ADGRL3: variants seen among roughly 807,000 people sequenced by gnomAD.
ADGRL3 encodes the protein adhesion G protein-coupled receptor L3, also known as calcium-independent alpha-latrotoxin receptor 3.
ADGRL3 carries 62 observed loss-of-function variants against 153.5 expected under a neutral mutation model. That is an observed-to-expected ratio of 0.40 (90% CI 0.33 to 0.50). ADGRL3 has a LOEUF of 0.50. ADGRL3 is among the 20% of genes least tolerant of loss of function. The pLI, the probability that ADGRL3 is intolerant of heterozygous loss-of-function variation, is 0.47. For missense variants in ADGRL3, 1,641 were observed against 1,859.4 expected, an observed-to-expected ratio of 0.88 and a Z score of 2.16; for synonymous variants, 710 against 672.5, an observed-to-expected ratio of 1.06 and a Z score of -0.86.
At chr4:61,645,834 C>A (rs1026331173) in intron 5 of ADGRL3, among the ~76,000 whole-genome samples, 5 of 152,110 alleles carry the variant, frequency 3.3e-5, no homozygotes, top group African/African-American at 1.2e-4. Flanking sequence ...TGTTGGCCTG[C>A]GTTGCTAGAA....
intron 8 of ADGRL3, among the ~76,000 whole-genome samples, chr4:61,744,306 A>G (rs2096623988): frequency 6.6e-6 from 1 of 152,176 alleles, no homozygotes; most frequent in Non-Finnish European, 1.5e-5. Flanking sequence ...ACAAAAAGAC[A>G]GCAGTAACCT....
chr4:61,895,779 A>G lies in ADGRL3; in HGVS notation c.1832A>G (p.Gln611Arg). 1.2e-6 allele frequency: 2 copies of G among 1,601,920 alleles called. No individual in the cohort carries two copies. The highest frequency in any genetic ancestry group is 1.7e-6 in the Non-Finnish European group (2 of 1,173,556). Residue 611 changes from glutamine to arginine, a missense_variant, in exon 11 of 27, where the codon CAA (glutamine) becomes CGA (arginine). Coordinates refer to ENST00000683033, the MANE Select transcript of ADGRL3 (RefSeq NM_001387552.1). ...CLAPDGIWDP[Q>R]GPDLSNCSSP... is the part of the protein sequence containing the mutation. ...GCTCCTGATGGAATTTGGGATCCCC[A>G]AGGTCCAGATCTCAGCAACTGTTCT... is the stretch of plus-strand genomic sequence containing the variant.
At chr4:61,984,128 A>T (rs945472621) in intron 19 of ADGRL3, among the ~76,000 whole-genome samples, 2 of 152,196 alleles carry the variant, frequency 1.3e-5, no homozygotes, top group Non-Finnish European at 2.9e-5. Flanking sequence ...CTGTTAAGAC[A>T]TATGTGTCGA....
At chr4:62,068,020 A>G in intron 25 of ADGRL3, 146 bp from the exon 26 acceptor site, 1 of 497,180 alleles carries the variant, frequency 2.0e-6, no homozygotes, top group Non-Finnish European at 3.6e-6. Context: ...TGTAACCCAG[A>G]CTCATGAATT....
At chr4:61,946,434 GT>G (rs1378877719) in intron 15 of ADGRL3, among the ~76,000 whole-genome samples, 2 of 151,926 alleles carry the variant, frequency 1.3e-5, no homozygotes, top group Non-Finnish European at 2.9e-5. Flanking sequence ...TGGTAAAAAT[GT>G]TTTGTATAAT....
chr4:61,721,634 T>G (rs2096245537), intron 6 of ADGRL3, among the ~76,000 whole-genome samples: 1 of 152,218 alleles, frequency 6.6e-6, no homozygotes, highest in Non-Finnish European at 1.5e-5. Context: ...TGTATATTCT[T>G]AAATCCAATC....
intron 1 of ADGRL3, among the ~76,000 whole-genome samples, chr4:61,265,949 G>A (rs1351208387): frequency 6.6e-6 from 1 of 151,830 alleles, no homozygotes; most frequent in East Asian, 1.9e-4. Context: ...ATGATCTACA[G>A]TGGTGTAAAT....
intron 4 of ADGRL3, among the ~76,000 whole-genome samples, chr4:61,528,669 C>G (rs1489583835): frequency 1.3e-5 from 2 of 151,994 alleles, no homozygotes; most frequent in Non-Finnish European, 2.9e-5. Flanking sequence ...ATTCTCTAGC[C>G]AGAGGCAAGG....
intron 1 of ADGRL3, among the ~76,000 whole-genome samples, chr4:61,363,706 A>G (rs752976398): frequency 3.3e-5 from 5 of 152,148 alleles, no homozygotes; most frequent in Non-Finnish European, 7.4e-5. Flanking sequence ...TGACTAGCTG[A>G]ACATGTTTTG....
chr4:61,247,934 A>G (rs1757739097), intron 1 of ADGRL3, among the ~76,000 whole-genome samples: 1 of 152,110 alleles, frequency 6.6e-6, no homozygotes, highest in Non-Finnish European at 1.5e-5. Context: ...TAGCAAAGAA[A>G]TGAACCACAT....
At chr4:61,461,062 T>G (rs925892256) in intron 2 of ADGRL3, among the ~76,000 whole-genome samples, 2 of 152,012 alleles carry the variant, frequency 1.3e-5, no homozygotes, top group Non-Finnish European at 2.9e-5. Flanking sequence ...AGAGTGAGAC[T>G]ACATCAAAAA....
intron 1 of ADGRL3, among the ~76,000 whole-genome samples, chr4:61,219,232 A>T (rs1388768660): frequency 2.0e-5 from 3 of 152,190 alleles, no homozygotes; most frequent in Non-Finnish European, 4.4e-5. Flanking sequence ...TCATTGGTTA[A>T]ATGACCTCAT....
chr4:61,815,211 C>T (rs1226124230), intron 9 of ADGRL3, among the ~76,000 whole-genome samples: 3 of 152,204 alleles, frequency 2.0e-5, no homozygotes, highest in South Asian at 2.1e-4. Context: ...AAAAGGGGAG[C>T]GGTTCTAGAG....
chr4:61,949,031 A>G (rs2098936749), intron 17 of ADGRL3, among the ~76,000 whole-genome samples: 1 of 151,764 alleles, frequency 6.6e-6, no homozygotes, highest in South Asian at 2.1e-4. Flanking sequence ...AAAAAAAAAA[A>G]CACTAAGCAG....
rs186588999 is a variant in ADGRL3 at position 61,843,945 on chromosome 4, G to A, written c.1480+30056G>A. ...AGGTGGGAGTATCACTTGAGCCTGG[G>A]AAGTTGAGGCTGCAGTAGTGAGCTG... On this transcript the variant is annotated intron_variant, in intron 9 of 26. Transcript: ENST00000683033. Among the ~76,000 whole-genome samples, 805 of 150,444 alleles carry A rather than the reference G, an allele frequency of 5.4e-3. 3 individuals carry two copies. The highest frequency in any genetic ancestry group is 0.015 in the South Asian group (71 of 4,664).
At chr4:61,473,373 C>G (rs1182831212) in intron 2 of ADGRL3, among the ~76,000 whole-genome samples, 1 of 151,848 alleles carries the variant, frequency 6.6e-6, no homozygotes, top group Non-Finnish European at 1.5e-5. Context: ...TAGAACAAAC[C>G]AAACACACGG....
intron 6 of ADGRL3, among the ~76,000 whole-genome samples, chr4:61,680,322 G>C (rs1418526218): frequency 7.2e-6 from 1 of 138,118 alleles, no homozygotes; most frequent in East Asian, 2.3e-4. Context: ...TTTAGTGCTT[G>C]TAGTAATATA....
At chr4:61,519,605 A>G (rs1579305369) in intron 4 of ADGRL3, among the ~76,000 whole-genome samples, 1 of 152,204 alleles carries the variant, frequency 6.6e-6, no homozygotes, top group South Asian at 2.1e-4. Flanking sequence ...AGTAAATATT[A>G]TAGGGGCATA....
intron 3 of ADGRL3, 127 bp from the exon 4 acceptor site, chr4:61,517,188 G>C (rs2098501689): frequency 1.6e-6 from 1 of 631,330 alleles, no homozygotes; most frequent in Non-Finnish European, 2.9e-6. Context: ...TAGGGCCTGG[G>C]GTGGCTGGAG....
Sources: gnomAD v4.1 joint callset for allele counts (sites outside exome capture counted in the v4.1 genomes callset) on GRCh38, gnomAD v4.1.1 for gene constraint, MANE v1.5 for transcripts, NCBI Gene and HGNC (gene_info 2026-07-23, HGNC 2026-07-21) for gene names.